Variants in FRMPD4 observed in about 807,000 individuals in gnomAD.
FRMPD4 encodes the protein FERM and PDZ domain containing 4.
In FRMPD4, 22 loss-of-function variants were observed where a neutral mutation model predicts 94.1. The ratio of observed to expected loss-of-function variants is 0.23; its 90% CI spans 0.17 to 0.33. FRMPD4 has a LOEUF of 0.33. Among genes scored for constraint, FRMPD4 ranks in the 10% least tolerant of loss-of-function variants. The pLI, the probability that FRMPD4 is intolerant of heterozygous loss-of-function variation, is 1.00. For missense variants in FRMPD4, 1,111 were observed against 1,339.9 expected (o/e 0.83, Z 2.67); for synonymous variants, 631 against 548.6 (o/e 1.15, Z -2.10).
intron 3 of FRMPD4, among the ~76,000 whole-genome samples, chrX:11,962,393 A>G (rs957465212): frequency 4.5e-5 from 5 of 111,854 alleles, no homozygotes; most frequent in Admixed American, 3.8e-4. Context: ...TGAAAGCACT[A>G]ATCCCATTCA....
chrX:12,526,581 T>C lies in FRMPD4; in HGVS notation c.158+27785T>C, dbSNP rs183513369. Among the ~76,000 whole-genome samples the C allele has an allele frequency of 5.2e-3, 579 of 111,621 alleles. 6 individuals carry two copies. Among genetic ancestry groups the C allele is most frequent in the African/African-American group, 0.017 (511 of 30,728 alleles). On this transcript the variant is annotated intron_variant, in intron 2 of 16. Coordinates refer to ENST00000675598, the MANE Select transcript of FRMPD4 (RefSeq NM_001368397.1). ...CTCATCACACCTCCCTCTGGATCCTTTTCCCTTTTCCCTCCCATGCCAACC... is the reference window on the plus strand; with the variant it reads ...CTCATCACACCTCCCTCTGGATCCTCTTCCCTTTTCCCTCCCATGCCAACC...
intron 1 of FRMPD4, among the ~76,000 whole-genome samples, chrX:12,437,788 G>A (rs2057086992): frequency 8.9e-6 from 1 of 112,208 alleles, no homozygotes; most frequent in African/African-American, 3.2e-5. Flanking sequence ...TGAAGTAGCT[G>A]AGACTCAAGT....
chrX:12,033,507 C>A (rs2054703389), intron 3 of FRMPD4, among the ~76,000 whole-genome samples: 1 of 110,554 alleles, frequency 9.0e-6, no homozygotes. Flanking sequence ...GATTGAGAGA[C>A]AAAGATATTG....
intron 1 of FRMPD4, among the ~76,000 whole-genome samples, chrX:12,205,118 A>G (rs1487770330): frequency 3.7e-5 from 4 of 108,882 alleles, no homozygotes; most frequent in Non-Finnish European, 7.6e-5. Context: ...AAGGCTTTTT[A>G]ATGATGAAGG....
intron 1 of FRMPD4, among the ~76,000 whole-genome samples, chrX:12,238,123 T>C (rs2057090850): frequency 9.0e-6 from 1 of 110,976 alleles, no homozygotes; most frequent in Non-Finnish European, 1.9e-5. Context: ...TTTATTTACT[T>C]ATTTATTTAT....
At chrX:12,614,080 G>A (rs2059210857) in intron 3 of FRMPD4, 1 of 113,030 alleles carries the variant, frequency 8.8e-6, no homozygotes, top group Admixed American at 9.4e-5. Context: ...GTTGCTGGAG[G>A]GATGCACATG....
intron 3 of FRMPD4, among the ~76,000 whole-genome samples, chrX:11,894,113 G>C (rs1479200501): frequency 9.0e-6 from 1 of 111,727 alleles, no homozygotes. Context: ...CAGCCTGCTT[G>C]TGATCTTCCC....
chrX:12,683,675 G>GGACT, intron 6 of FRMPD4, 88 bp downstream of exon 6: 1 of 484,227 alleles, frequency 2.1e-6, no homozygotes, highest in Non-Finnish European at 3.6e-6. Context: ...AGTCCCACTG[G>GGACT]AATGACTGAT....
At chrX:12,096,742 C>T (rs1264679730) in intron 3 of FRMPD4, among the ~76,000 whole-genome samples, 2 of 111,177 alleles carry the variant, frequency 1.8e-5, no homozygotes, top group Non-Finnish European at 3.8e-5. Flanking sequence ...TAACAATTAG[C>T]TGGACATGGT....
chrX:12,580,083 T>G (rs1046625526), intron 2 of FRMPD4, among the ~76,000 whole-genome samples: 2 of 111,976 alleles, frequency 1.8e-5, no homozygotes, highest in Non-Finnish European at 3.8e-5. Flanking sequence ...CACAAGGCAT[T>G]GAAAAATGAA....
chrX:12,488,479 A>G (rs2057760112), intron 1 of FRMPD4, among the ~76,000 whole-genome samples: 1 of 112,054 alleles, frequency 8.9e-6, no homozygotes, highest in African/African-American at 3.2e-5. Flanking sequence ...AGCATATTGC[A>G]TATTTGAAAT....
At chrX:12,362,708 T>G (rs2056012723) in intron 1 of FRMPD4, among the ~76,000 whole-genome samples, 1 of 111,947 alleles carries the variant, frequency 8.9e-6, no homozygotes, top group Non-Finnish European at 1.9e-5. Context: ...TATAATCCTT[T>G]GGGTATATAC....
intron 1 of FRMPD4, among the ~76,000 whole-genome samples, chrX:12,405,125 T>C (rs756431241): frequency 1.8e-5 from 2 of 111,658 alleles, no homozygotes; most frequent in South Asian, 7.6e-4. Context: ...TTTTAAAAGC[T>C]CTCCAAGTGA....
intron 3 of FRMPD4, among the ~76,000 whole-genome samples, chrX:11,920,935 A>G (rs192239451): frequency 8.9e-6 from 1 of 112,100 alleles, no homozygotes; most frequent in African/African-American, 3.2e-5. Context: ...GGACAATCTG[A>G]GGCATCTGAA....
intron 1 of FRMPD4, among the ~76,000 whole-genome samples, chrX:11,845,703 T>G (rs1220368315): frequency 9.0e-6 from 1 of 110,868 alleles, no homozygotes; most frequent in Admixed American, 9.7e-5. Context: ...GCTTCATCCC[T>G]GGGATGCAAG....
intron 1 of FRMPD4, among the ~76,000 whole-genome samples, chrX:11,859,811 T>C (rs747684449): frequency 4.5e-5 from 5 of 112,203 alleles, no homozygotes; most frequent in African/African-American, 1.6e-4. Flanking sequence ...ACTAAGATTG[T>C]ACTTATAATT....
intron 3 of FRMPD4, among the ~76,000 whole-genome samples, chrX:11,891,881 TC>T (rs1470580757): frequency 8.9e-6 from 1 of 112,315 alleles, no homozygotes. Context: ...TACTATTATA[TC>T]CCCAGCTCCA....
chrX:11,823,360 C>T (rs181933895), intron 1 of FRMPD4, among the ~76,000 whole-genome samples: 4 of 109,235 alleles, frequency 3.7e-5, no homozygotes, highest in East Asian at 2.8e-4. Context: ...CTACTATATT[C>T]GAAAACTTTA....
At chrX:11,923,675 C>G (rs1437444789) in intron 3 of FRMPD4, among the ~76,000 whole-genome samples, 3 of 112,316 alleles carry the variant, frequency 2.7e-5, no homozygotes, top group Non-Finnish European at 1.9e-5. Context: ...GAGCCTTGAC[C>G]TCTAAAATCT....
Sources: allele counts gnomAD v4.1 joint callset (sites outside exome capture counted in the v4.1 genomes callset), GRCh38; gene constraint gnomAD v4.1.1; transcripts MANE v1.5; gene names NCBI Gene and HGNC (gene_info 2026-07-23, HGNC 2026-07-21).